The following SPIDR variants were observed in gnomAD, a reference collection of about 807,000 sequenced individuals.
The protein encoded by SPIDR is DNA repair-scaffolding protein.
Under a neutral mutation model 104.6 loss-of-function variants are expected in SPIDR, and 93 were observed. The observed-to-expected ratio is 0.89, with a 90% CI of 0.75 to 1.06. SPIDR has a LOEUF of 1.06. SPIDR is among the 50% of genes least tolerant of loss of function. The probability of loss-of-function intolerance (pLI) is 0.00; values close to 1 mark genes in which losing one functional copy is unlikely to be tolerated. For synonymous variants in SPIDR, 431 were observed against 416.9 expected, an observed-to-expected ratio of 1.03 and a Z score of -0.41; for missense variants, 1,154 against 1,111.2, an observed-to-expected ratio of 1.04 and a Z score of -0.55.
At chr8:47,403,924 G>A (rs782133674) in intron 6 of SPIDR, among the ~76,000 whole-genome samples, 7 of 152,166 alleles carry the variant, frequency 4.6e-5, no homozygotes, top group Non-Finnish European at 7.3e-5. Context: ...CAAAGCTGGA[G>A]GCATCACGCT....
rs560210496 is a variant in SPIDR at position 47,585,055 on chromosome 8, A to G, written c.1098-10756A>G. 3.3e-5 allele frequency among the ~76,000 whole-genome samples: 5 copies of G among 152,358 alleles called. No homozygotes were observed. In the South Asian group the frequency reaches 1.0e-3, roughly 32 times the overall value. ...GAAAAAAATGTATCTAGGATAAATGACAATTAGAGAATGAGACTCTACCTC... is the reference window on the plus strand; with the variant it reads ...GAAAAAAATGTATCTAGGATAAATGGCAATTAGAGAATGAGACTCTACCTC... On this transcript the variant is annotated intron_variant, in intron 8 of 19. Coordinates refer to ENST00000297423, the MANE Select transcript of SPIDR (RefSeq NM_001080394.4).
At chr8:47,333,504 A>G (rs549126154) in intron 5 of SPIDR, among the ~76,000 whole-genome samples, 2 of 151,992 alleles carry the variant, frequency 1.3e-5, no homozygotes, top group African/African-American at 2.4e-5. Context: ...GGGTTTCACC[A>G]TGTTGGCCAG....
intron 1 of SPIDR, among the ~76,000 whole-genome samples, chr8:47,275,600 T>C (rs1376967299): frequency 6.6e-6 from 1 of 152,160 alleles, no homozygotes; most frequent in Non-Finnish European, 1.5e-5. Context: ...GTAAAGAAAA[T>C]ATTTTATTAT....
intron 8 of SPIDR, among the ~76,000 whole-genome samples, chr8:47,476,081 TTGTA>T (rs2076257850): frequency 6.6e-6 from 1 of 152,204 alleles, no homozygotes; most frequent in Non-Finnish European, 1.5e-5. Context: ...AGGGTAGCCA[TTGTA>T]ACACAAAAGT....
chr8:47,308,525 T>C (rs1444108756), intron 5 of SPIDR, among the ~76,000 whole-genome samples: 3 of 152,104 alleles, frequency 2.0e-5, no homozygotes, highest in Non-Finnish European at 4.4e-5. Flanking sequence ...GTTTCTAATT[T>C]TTCCCTTATA....
At chr8:47,408,572 T>A (rs1276327354) in intron 7 of SPIDR, among the ~76,000 whole-genome samples, 1 of 152,192 alleles carries the variant, frequency 6.6e-6, no homozygotes, top group Non-Finnish European at 1.5e-5. Context: ...ACCATTGCAG[T>A]CTCTGCTTCT....
At chr8:47,718,183 TAAAGCTACGTGC>T (rs1333207871) in intron 16 of SPIDR, among the ~76,000 whole-genome samples, 2 of 152,184 alleles carry the variant, frequency 1.3e-5, no homozygotes, top group African/African-American at 2.4e-5. Context: ...CATGCACTAC[TAAAGCTACGTGC>T]TTGCCTCCAT....
At chr8:47,632,529 C>T (rs192602103) in intron 10 of SPIDR, among the ~76,000 whole-genome samples, 1 of 152,134 alleles carries the variant, frequency 6.6e-6, no homozygotes, top group Non-Finnish European at 1.5e-5. Context: ...TACATATTAT[C>T]TTCTAGTCTG....
chr8:47,346,745 C>T (rs903833246), intron 5 of SPIDR, among the ~76,000 whole-genome samples: 2 of 152,112 alleles, frequency 1.3e-5, no homozygotes. Context: ...AGTTTATTTG[C>T]GTAGAGGTGT....
intron 8 of SPIDR, among the ~76,000 whole-genome samples, chr8:47,488,824 A>G (rs1167023608): frequency 6.6e-6 from 1 of 152,216 alleles, no homozygotes; most frequent in African/African-American, 2.4e-5. Context: ...AAAACTCTCA[A>G]TAAATTAGGT....
intron 3 of SPIDR, among the ~76,000 whole-genome samples, chr8:47,284,366 G>C (rs1240738511): frequency 6.6e-6 from 1 of 152,124 alleles, no homozygotes; most frequent in Non-Finnish European, 1.5e-5. Flanking sequence ...AGCCCAGTAG[G>C]TTAGCTCATG....
At chr8:47,668,428 T>C (rs2075291352) in intron 10 of SPIDR, among the ~76,000 whole-genome samples, 1 of 151,428 alleles carries the variant, frequency 6.6e-6, no homozygotes, top group Admixed American at 6.6e-5. Flanking sequence ...TTTAAATTAA[T>C]ACAGATAAAG....
chr8:47,287,728 C>G (rs908810581), intron 3 of SPIDR, among the ~76,000 whole-genome samples: 1 of 152,122 alleles, frequency 6.6e-6, no homozygotes. Context: ...TTCCCTTGTT[C>G]CCTGAAAATC....
chr8:47,729,236 C>T, intron 18 of SPIDR, 176 bp from the exon 19 acceptor site: 2 of 1,440,654 alleles, frequency 1.4e-6, no homozygotes, highest in Non-Finnish European at 1.9e-6. Flanking sequence ...AGGATGCACC[C>T]TATGTGAACA....
At chr8:47,554,728 G>T (rs1170943468) in intron 8 of SPIDR, among the ~76,000 whole-genome samples, 2 of 152,148 alleles carry the variant, frequency 1.3e-5, no homozygotes, top group Non-Finnish European at 2.9e-5. Flanking sequence ...CCCTGCTTCG[G>T]CTCACACTTT....
intron 8 of SPIDR, among the ~76,000 whole-genome samples, chr8:47,492,679 GTGT>G (rs1337038219): frequency 6.6e-6 from 1 of 152,062 alleles, no homozygotes; most frequent in Non-Finnish European, 1.5e-5. Flanking sequence ...CCTCCTTTGT[GTGT>G]TGTCACAGCT....
chr8:47,294,094 TTTTTTTTTTG>T, intron 5 of SPIDR, 64 bp downstream of exon 5: 1 of 1,527,386 alleles, frequency 6.5e-7, no homozygotes, highest in East Asian at 2.3e-5. Context: ...TAGTTGTCAT[TTTTTTTTTTG>T]TTTTTTTTTT....
chr8:47,624,709 G>T (rs940932288), intron 10 of SPIDR, among the ~76,000 whole-genome samples: 2 of 152,142 alleles, frequency 1.3e-5, no homozygotes, highest in Admixed American at 6.5e-5. Flanking sequence ...TCTCTGAATA[G>T]ACCAATAACA....
chr8:47,416,845 A>G (rs2064394935), intron 7 of SPIDR, among the ~76,000 whole-genome samples: 2 of 151,478 alleles, frequency 1.3e-5, no homozygotes, highest in Non-Finnish European at 2.9e-5. Context: ...CTCATTGTTC[A>G]GTTCCCACCT....
Sources: allele counts gnomAD v4.1 joint callset (sites outside exome capture counted in the v4.1 genomes callset), GRCh38; gene constraint gnomAD v4.1.1; transcripts MANE v1.5; gene names NCBI Gene and HGNC (gene_info 2026-07-23, HGNC 2026-07-21).